The following RTTN variants were observed in gnomAD, a reference collection of about 807,000 sequenced individuals.
RTTN encodes rotatin.
A neutral mutation model predicts 269.2 loss-of-function variants in RTTN; 182 were observed. The observed-to-expected ratio is 0.68, with a 90% CI of 0.60 to 0.76. The LOEUF (loss-of-function observed/expected upper bound fraction) is 0.76. RTTN is among the 30% of genes least tolerant of loss of function. The probability of loss-of-function intolerance (pLI) is 0.00; values close to 1 mark genes in which losing one functional copy is unlikely to be tolerated. For synonymous variants in RTTN, 1,006 were observed against 963.5 expected (o/e 1.04, Z -0.82); for missense variants, 2,545 against 2,608.6 (o/e 0.98, Z 0.53).
chr18:70,184,461 A>G (rs1333717145), intron 10 of RTTN, among the ~76,000 whole-genome samples: 2 of 152,026 alleles, frequency 1.3e-5, no homozygotes, highest in African/African-American at 4.8e-5. Flanking sequence ...AGCTGTAGTG[A>G]CAGTCACTTG....
chr18:70,044,319 T>C (rs1467117222), intron 40 of RTTN, among the ~76,000 whole-genome samples: 3 of 152,200 alleles, frequency 2.0e-5, no homozygotes, highest in African/African-American at 7.2e-5. Context: ...AGATATCAGA[T>C]CAAATATAAG....
chr18:70,153,579 T>C (rs1371535772), intron 14 of RTTN, among the ~76,000 whole-genome samples: 1 of 152,166 alleles, frequency 6.6e-6, no homozygotes, highest in Non-Finnish European at 1.5e-5. Context: ...AGTCTTACAA[T>C]AAAAAGCTAA....
intron 35 of RTTN, among the ~76,000 whole-genome samples, chr18:70,061,752 T>C (rs1020438188): frequency 2.6e-5 from 4 of 152,104 alleles, no homozygotes; most frequent in Non-Finnish European, 5.9e-5. Flanking sequence ...GAGGATCGCT[T>C]GAGCCCAGGA....
At chr18:70,178,430 A>C (rs1305293883) in intron 10 of RTTN, among the ~76,000 whole-genome samples, 2 of 152,196 alleles carry the variant, frequency 1.3e-5, no homozygotes, top group African/African-American at 4.8e-5. Flanking sequence ...GTTATTGTTT[A>C]ATGGGTACAG....
intron 14 of RTTN, 29 bp from the exon 15 acceptor site, chr18:70,150,762 A>G (rs2145796257): frequency 6.6e-7 from 1 of 1,508,840 alleles, no homozygotes; most frequent in East Asian, 2.3e-5. Context: ...AAGTATTTTT[A>G]AATTAGCAAC....
intron 21 of RTTN, among the ~76,000 whole-genome samples, chr18:70,136,691 G>T (rs1207916695): frequency 1.3e-5 from 2 of 152,000 alleles, no homozygotes; most frequent in Admixed American, 1.3e-4. Flanking sequence ...TGTTGGCAAA[G>T]TTGTAATGAA....
intron 10 of RTTN, among the ~76,000 whole-genome samples, chr18:70,180,196 C>A (rs1248064724): frequency 2.0e-5 from 3 of 152,064 alleles, no homozygotes; most frequent in African/African-American, 7.2e-5. Flanking sequence ...TTCAGATCTA[C>A]AAAAAGCCCT....
At chr18:70,037,261 G>T (rs943010025) in intron 40 of RTTN, among the ~76,000 whole-genome samples, 5 of 152,224 alleles carry the variant, frequency 3.3e-5, no homozygotes, top group Non-Finnish European at 7.3e-5. Context: ...ACTGGACTAT[G>T]GTGGCATGTG....
rs1200296555 is a variant in RTTN, at chr18:70,140,180, T to C, written c.2590A>G (p.Met864Val). ...CATAACTTTTTCACCACAGCATGCATTTTAATATCTGTAGATAAAAAAAGT... is the reference window on the plus strand; with the variant it reads ...CATAACTTTTTCACCACAGCATGCACTTTAATATCTGTAGATAAAAAAAGT... ...QLAVIMQDIK[M>V]HAVVKKLCLI... is the part of the protein sequence containing the mutation. The change falls in exon 20 of 49, where the codon ATG (methionine) becomes GTG (valine). Residue 864 changes from methionine (M) to valine (V), a missense_variant. Physicochemically the swap from Met to Val is conservative, Grantham distance 21. Coordinates refer to ENST00000640769, the MANE Select transcript of RTTN (RefSeq NM_173630.4). The C allele has an allele frequency of 6.4e-7, 1 of 1,553,376 alleles. No individual in the cohort carries two copies. The highest frequency in any genetic ancestry group is 1.7e-5 in the Admixed American group (1 of 58,974).
At position 70,150,640 on chromosome 18, in the gene RTTN, A is replaced by G; in HGVS notation, c.2023T>C (p.Ser675Pro). The change falls in exon 15 of 49, where the codon TCT becomes CCT. Residue 675 changes from serine to proline, a missense_variant. By Grantham distance (74) the Ser-to-Pro change is moderately conservative. Transcript: ENST00000640769. ...TCGGGCTCTTGAATGCCAAATACAG[A>G]GATTTCATACAGAACTTTTGGATGA... ...LLHPKVLYEI[S>P]VFGIQEPESE... is the part of the protein sequence containing the mutation. The G allele has an allele frequency of 6.2e-7, 1 of 1,612,618 alleles. No individual in the cohort carries two copies. The highest frequency in any genetic ancestry group is 8.5e-7 in the Non-Finnish European group (1 of 1,178,946).
chr18:70,141,949 A>G (rs1342711652), intron 19 of RTTN, among the ~76,000 whole-genome samples: 1 of 152,180 alleles, frequency 6.6e-6, no homozygotes, highest in Non-Finnish European at 1.5e-5. Flanking sequence ...TTGGAAGTAC[A>G]CTAATATTTT....
intron 28 of RTTN, among the ~76,000 whole-genome samples, chr18:70,107,951 G>GA (rs1568392561): frequency 1.3e-5 from 2 of 152,134 alleles, no homozygotes; most frequent in African/African-American, 2.4e-5. Flanking sequence ...CACATAAAAA[G>GA]AAACTCTGAA....
intron 21 of RTTN, chr18:70,138,719 T>C (rs1397627252): frequency 6.6e-6 from 1 of 152,166 alleles, no homozygotes; most frequent in African/African-American, 2.4e-5. Flanking sequence ...TTAGGGCTGC[T>C]ACTTAAATAA....
intron 28 of RTTN, among the ~76,000 whole-genome samples, chr18:70,107,749 C>G (rs1275052775): frequency 6.6e-6 from 1 of 152,124 alleles, no homozygotes; most frequent in East Asian, 1.9e-4. Flanking sequence ...AAGGTTCATT[C>G]TATTAGAAAG....
At chr18:70,055,820 T>C (rs1164581952) in intron 37 of RTTN, among the ~76,000 whole-genome samples, 1 of 152,224 alleles carries the variant, frequency 6.6e-6, no homozygotes, top group Non-Finnish European at 1.5e-5. Flanking sequence ...TCTTTTTCTA[T>C]GTATGGCCCT....
rs137872783 is a variant in RTTN, at chr18:70,204,399, G to A, written c.220-136C>T. ...AACAAATCCTTCATGGCTCTGCCCC[G>A]AAGTAAGGCACTTCCATGAGGAGCA... On this transcript the variant is annotated intron_variant, in intron 2 of 48. Transcript: ENST00000640769. 114 of 741,324 alleles carry A rather than the reference G, an allele frequency of 1.5e-4. 4 individuals are homozygous for A. The South Asian group carries it at 1.7e-3, about 11-fold the overall frequency. The allele number at this position is 741,324 out of a possible 1,614,324, so 45.9% of individuals were successfully genotyped here.
At chr18:70,192,705 T>G (rs2061704506) in intron 8 of RTTN, among the ~76,000 whole-genome samples, 1 of 151,698 alleles carries the variant, frequency 6.6e-6, no homozygotes, top group Non-Finnish European at 1.5e-5. Context: ...AAATCTGTAT[T>G]TACACAAACA....
chr18:70,012,415 T>G (rs1363387898), intron 46 of RTTN, among the ~76,000 whole-genome samples: 1 of 146,948 alleles, frequency 6.8e-6, no homozygotes, highest in Non-Finnish European at 1.5e-5. Context: ...CTCCTGGTAT[T>G]GGTTAGAGGG....
intron 9 of RTTN, among the ~76,000 whole-genome samples, chr18:70,189,151 A>G (rs1437358789): frequency 6.6e-6 from 1 of 152,240 alleles, no homozygotes; most frequent in Non-Finnish European, 1.5e-5. Context: ...TGTTCTTCTC[A>G]GCTTACCAGA....
Sources: allele counts gnomAD v4.1 joint callset (sites outside exome capture counted in the v4.1 genomes callset), GRCh38; gene constraint gnomAD v4.1.1; transcripts MANE v1.5; gene names NCBI Gene and HGNC (gene_info 2026-07-23, HGNC 2026-07-21).